The following OTUD7A variants were observed in gnomAD, a reference collection of about 807,000 sequenced individuals.
OTUD7A encodes OTU domain-containing protein 7A.
OTUD7A carries 12 observed loss-of-function variants against 65.7 expected under a neutral mutation model. That is an observed-to-expected ratio of 0.18 (90% CI 0.12 to 0.30). The LOEUF is 0.30. Among genes scored for constraint, OTUD7A ranks in the 10% least tolerant of loss-of-function variants. The pLI is 1.00. For missense variants in OTUD7A, 1,148 were observed against 1,304.8 expected, an observed-to-expected ratio of 0.88 and a Z score of 1.85; for synonymous variants, 641 against 586.3, an observed-to-expected ratio of 1.09 and a Z score of -1.35.
At chr15:31,775,583 A>G (rs1482483392) in intron 1 of OTUD7A, among the ~76,000 whole-genome samples, 1 of 152,218 alleles carries the variant, frequency 6.6e-6, no homozygotes, top group African/African-American at 2.4e-5. Flanking sequence ...AACTGTGCAG[A>G]TATCTAGGAG....
chr15:31,573,713 C>T (rs1178534990), intron 3 of OTUD7A, among the ~76,000 whole-genome samples: 1 of 152,154 alleles, frequency 6.6e-6, no homozygotes, highest in Non-Finnish European at 1.5e-5. Context: ...CTAGCCTGGC[C>T]AACATGGCGA....
chr15:31,484,004 CCGT>C lies in OTUD7A; in HGVS notation c.2089_2091del (p.Thr697del), dbSNP rs1332922022. The C allele has an allele frequency of 1.4e-5, 15 of 1,107,424 alleles. No homozygotes were observed. The East Asian group carries it at 6.0e-4, about 44-fold the overall frequency. 68.6% of individuals were successfully genotyped at this position (1,107,424 alleles called of 1,614,324 possible). A position where few individuals can be genotyped will look rare whatever the true frequency, so the allele number is the denominator to read the frequency against. On this transcript the variant is annotated inframe_deletion, in exon 13 of 13. Transcript: ENST00000307050. This position sits in a 1 kb window ranked among gnomAD's most constrained non-coding sequence, Gnocchi z 4.5. ...TCCGGTCTGCGCGGCGGCCGCTTGG[CCGT>C]GGCGGCGGCGGCGGCGGCGGCAGCG... is the stretch of plus-strand genomic sequence containing the variant.
intron 6 of OTUD7A, among the ~76,000 whole-genome samples, chr15:31,527,675 T>C (rs1315972856): frequency 2.0e-5 from 3 of 152,210 alleles, no homozygotes; most frequent in Non-Finnish European, 4.4e-5. Context: ...AGGGACAGGC[T>C]GTCCAGTGTC....
At chr15:31,698,076 C>T (rs1893125443) in intron 1 of OTUD7A, among the ~76,000 whole-genome samples, 1 of 152,176 alleles carries the variant, frequency 6.6e-6, no homozygotes, top group South Asian at 2.1e-4. Flanking sequence ...CTAACCCTTC[C>T]CTCCCCTCCA....
chr15:31,707,875 A>G (rs1430448702), intron 1 of OTUD7A, among the ~76,000 whole-genome samples: 2 of 152,126 alleles, frequency 1.3e-5, no homozygotes, highest in Non-Finnish European at 2.9e-5. Context: ...GTCCTTTAAT[A>G]AAAAGTCATA....
chr15:31,837,438 C>G (rs973802264), intron 1 of OTUD7A, among the ~76,000 whole-genome samples: 1 of 150,240 alleles, frequency 6.7e-6, no homozygotes. Context: ...CCCAGCTACT[C>G]AGGAGGCTGA....
At chr15:31,713,338 G>A (rs762459530) in intron 1 of OTUD7A, among the ~76,000 whole-genome samples, 15 of 152,282 alleles carry the variant, frequency 9.9e-5, no homozygotes, top group East Asian at 1.9e-4. Context: ...GGTAAAGTAC[G>A]CTGGGCACGG....
In OTUD7A at chr15:31,593,140, C is replaced by A. The variant is rs140451872; in HGVS notation, c.152-22943G>T. ...AGTAGATTTATTTGCAGCATCCCTGCAAATACATGACAGCTACAATGTCAT... is the reference window on the plus strand; with the variant it reads ...AGTAGATTTATTTGCAGCATCCCTGAAAATACATGACAGCTACAATGTCAT... On this transcript the variant is annotated intron_variant, in intron 3 of 12. Coordinates refer to ENST00000307050, the MANE Select transcript of OTUD7A (RefSeq NM_001382637.1). 6.3e-3 allele frequency among the ~76,000 whole-genome samples: 956 copies of A among 151,872 alleles called. 7 individuals carry two copies. Among genetic ancestry groups the A allele is most frequent in the Middle Eastern group, 0.01 (3 of 294 alleles).
chr15:31,752,071 A>G (rs1173307091), intron 1 of OTUD7A, among the ~76,000 whole-genome samples: 1 of 152,220 alleles, frequency 6.6e-6, no homozygotes, highest in Non-Finnish European at 1.5e-5. Flanking sequence ...TAATTTATAA[A>G]TGAATGTGGC....
At chr15:31,619,056 G>C (rs1595661089) in intron 3 of OTUD7A, among the ~76,000 whole-genome samples, 4 of 152,182 alleles carry the variant, frequency 2.6e-5, no homozygotes, top group South Asian at 4.2e-4. Context: ...TCTTGTTTTT[G>C]TCAGGCTTGT....
At chr15:31,600,041 G>A (rs1355843171) in intron 3 of OTUD7A, among the ~76,000 whole-genome samples, 1 of 152,168 alleles carries the variant, frequency 6.6e-6, no homozygotes, top group Admixed American at 6.5e-5. Context: ...GTGATGGGGA[G>A]AATGGAACCA....
intron 10 of OTUD7A, among the ~76,000 whole-genome samples, chr15:31,490,016 G>A (rs2041295697): frequency 6.6e-6 from 1 of 152,242 alleles, no homozygotes; most frequent in African/African-American, 2.4e-5. Context: ...TCAAAGGAAG[G>A]CTTTTCTGCA....
At chr15:31,645,520 C>G (rs541545613) in intron 3 of OTUD7A, among the ~76,000 whole-genome samples, 1 of 152,214 alleles carries the variant, frequency 6.6e-6, no homozygotes, top group Admixed American at 6.5e-5. Context: ...CCCCAGAAAA[C>G]CCCTGCATGA....
chr15:31,744,335 A>C (rs1054879518), intron 1 of OTUD7A, among the ~76,000 whole-genome samples: 1 of 152,160 alleles, frequency 6.6e-6, no homozygotes, highest in Non-Finnish European at 1.5e-5. Context: ...ACCAACATGA[A>C]CATTGCCATA....
At chr15:31,802,109 G>GTA in intron 1 of OTUD7A, among the ~76,000 whole-genome samples, 2 of 47,870 alleles carry the variant, frequency 4.2e-5, no homozygotes, top group South Asian at 1.9e-3. Context: ...ATATATGTGT[G>GTA]TGTGTGTGTG....
chr15:31,753,712 ATATATATAT>A (rs1367236140), intron 1 of OTUD7A, among the ~76,000 whole-genome samples: 76 of 115,540 alleles, frequency 6.6e-4, no homozygotes, highest in African/African-American at 2.5e-3. Flanking sequence ...TTATATATAT[ATATATATAT>A]TATATATATA....
intron 1 of OTUD7A, among the ~76,000 whole-genome samples, chr15:31,742,693 G>C (rs917187053): frequency 6.6e-6 from 1 of 151,996 alleles, no homozygotes; most frequent in Non-Finnish European, 1.5e-5. Flanking sequence ...GTCAGAGATA[G>C]AAAAGCAAAA....
At chr15:31,753,722 TA>T (rs1567005132) in intron 1 of OTUD7A, among the ~76,000 whole-genome samples, 3 of 49,114 alleles carry the variant, frequency 6.1e-5, no homozygotes, top group African/African-American at 1.7e-4. Flanking sequence ...ATATATATAT[TA>T]TATATATATA....
intron 5 of OTUD7A, among the ~76,000 whole-genome samples, chr15:31,544,671 G>C (rs1164627849): frequency 6.6e-6 from 1 of 151,772 alleles, no homozygotes; most frequent in African/African-American, 2.4e-5. Flanking sequence ...GATAACTAAG[G>C]AAGAAACAGA....
Sources: gnomAD v4.1 joint callset for allele counts (sites outside exome capture counted in the v4.1 genomes callset) on GRCh38, gnomAD v4.1.1 for gene constraint, Gnocchi (gnomAD v3.1) non-coding constraint, MANE v1.5 for transcripts, NCBI Gene and HGNC (gene_info 2026-07-23, HGNC 2026-07-21) for gene names.